The following COL25A1 variants were observed in gnomAD, a reference collection of about 807,000 sequenced individuals.
COL25A1 encodes collagen alpha-1(XXV) chain.
COL25A1 carries 103 observed loss-of-function variants against 128.4 expected under a neutral mutation model. The observed-to-expected ratio is 0.80, with a 90% CI of 0.68 to 0.94. The LOEUF is 0.94. Among genes scored for constraint, COL25A1 ranks in the 40% least tolerant of loss-of-function variants. The probability of loss-of-function intolerance (pLI) is 0.00; values close to 1 mark genes in which losing one functional copy is unlikely to be tolerated. For missense variants in COL25A1, 745 were observed against 840.0 expected, an observed-to-expected ratio of 0.89 and a Z score of 1.40; for synonymous variants, 279 against 277.2, an observed-to-expected ratio of 1.01 and a Z score of -0.06.
chr4:108,898,025 T>G (rs1742351261), intron 15 of COL25A1, among the ~76,000 whole-genome samples: 1 of 152,194 alleles, frequency 6.6e-6, no homozygotes, highest in African/African-American at 2.4e-5. Context: ...TTAATTACCA[T>G]GAACTGATTG....
intron 3 of COL25A1, among the ~76,000 whole-genome samples, chr4:109,279,407 C>T (rs1398107214): frequency 6.6e-6 from 1 of 152,072 alleles, no homozygotes; most frequent in African/African-American, 2.4e-5. Context: ...AAGACTCCAT[C>T]TCTTCAAAAA....
At chr4:109,236,774 A>C (rs1578513093) in intron 3 of COL25A1, among the ~76,000 whole-genome samples, 1 of 152,054 alleles carries the variant, frequency 6.6e-6, no homozygotes, top group South Asian at 2.1e-4. Flanking sequence ...AATGACTTAC[A>C]TTATTTAAAT....
At chr4:108,889,647 T>C in intron 17 of COL25A1, 54 bp downstream of exon 17, 3 of 1,530,100 alleles carry the variant, frequency 2.0e-6, no homozygotes, top group Non-Finnish European at 2.7e-6. Context: ...TAGAGGCCTA[T>C]AAAAATCAGA....
chr4:109,154,664 A>G (rs955744249), intron 3 of COL25A1, among the ~76,000 whole-genome samples: 1 of 152,240 alleles, frequency 6.6e-6, no homozygotes, highest in African/African-American at 2.4e-5. Context: ...GTGAGTCAGA[A>G]AACATTCACA....
intron 8 of COL25A1, among the ~76,000 whole-genome samples, chr4:108,946,134 C>A (rs929990119): frequency 2.6e-5 from 4 of 152,140 alleles, no homozygotes; most frequent in Non-Finnish European, 5.9e-5. Context: ...AAGTAGGCAA[C>A]CATCTCACAA....
intron 3 of COL25A1, among the ~76,000 whole-genome samples, chr4:109,150,853 A>C (rs1404730662): frequency 1.3e-5 from 2 of 152,146 alleles, no homozygotes; most frequent in Non-Finnish European, 2.9e-5. Flanking sequence ...TCCTTCATTT[A>C]AACTTTTAAA....
chr4:108,907,498 T>C (rs1405614071), intron 13 of COL25A1, among the ~76,000 whole-genome samples: 2 of 152,204 alleles, frequency 1.3e-5, no homozygotes, highest in Non-Finnish European at 2.9e-5. Flanking sequence ...TACACAAGTG[T>C]CATCATTTAC....
chr4:109,258,978 T>C (rs1193633591), intron 3 of COL25A1, among the ~76,000 whole-genome samples: 1 of 152,234 alleles, frequency 6.6e-6, no homozygotes, highest in African/African-American at 2.4e-5. Flanking sequence ...GTGGCACTTA[T>C]TAATTTATTG....
chr4:109,237,229 AT>A (rs533644794), intron 3 of COL25A1, among the ~76,000 whole-genome samples: 9 of 152,012 alleles, frequency 5.9e-5, no homozygotes, highest in Non-Finnish European at 1.2e-4. Flanking sequence ...ACAAAAAAAC[AT>A]TTCTAATGTG....
intron 32 of COL25A1, among the ~76,000 whole-genome samples, chr4:108,829,889 A>T (rs750904317): frequency 1.3e-5 from 2 of 152,194 alleles, no homozygotes; most frequent in African/African-American, 2.4e-5. Flanking sequence ...AGGAAGAGAC[A>T]TGAGGTAGTC....
chr4:108,834,407 G>C, intron 31 of COL25A1: 1 of 1,550,486 alleles, frequency 6.4e-7, no homozygotes, highest in Non-Finnish European at 8.7e-7. Context: ...GATTTGGTTG[G>C]TAGCAGGGTT....
chr4:108,894,979 G>T (rs901413931), intron 16 of COL25A1, among the ~76,000 whole-genome samples: 8 of 152,148 alleles, frequency 5.3e-5, no homozygotes, highest in Admixed American at 2.0e-4. Flanking sequence ...GGTGCCATAG[G>T]CATCTTGTGA....
rs543282815 is a variant in COL25A1, at chr4:108,984,254, T to C, written c.439-9695A>G. Among the ~76,000 whole-genome samples, 47 of 152,300 alleles carry C rather than the reference T, an allele frequency of 3.1e-4. No individual in the cohort carries two copies. In the South Asian group the frequency reaches 8.9e-3, roughly 29 times the overall value. ...GAGGTAGATACAGAGTGCCAATTGG[T>C]GTATTTACAATCCTTGAGCTAGACA... On this transcript the variant is annotated intron_variant, in intron 6 of 37. Transcript: ENST00000399132.
At chr4:109,143,629 G>C (rs1770650183) in intron 3 of COL25A1, among the ~76,000 whole-genome samples, 1 of 151,790 alleles carries the variant, frequency 6.6e-6, no homozygotes, top group Non-Finnish European at 1.5e-5. Flanking sequence ...CTCTAATCTT[G>C]TCTTCACACT....
intron 16 of COL25A1, among the ~76,000 whole-genome samples, chr4:108,894,169 A>C (rs543313021): frequency 6.6e-6 from 1 of 152,330 alleles, no homozygotes; most frequent in East Asian, 1.9e-4. Context: ...CTTTGAGATG[A>C]ACTTGGTCTT....
intron 24 of COL25A1, among the ~76,000 whole-genome samples, chr4:108,856,163 T>C (rs918597290): frequency 6.6e-6 from 1 of 152,190 alleles, no homozygotes; most frequent in Admixed American, 6.6e-5. Flanking sequence ...TGATGAAAGC[T>C]TAAACTCGCC....
chr4:109,074,032 G>A (rs575212142), intron 3 of COL25A1, among the ~76,000 whole-genome samples: 1 of 152,306 alleles, frequency 6.6e-6, no homozygotes, highest in African/African-American at 2.4e-5. Flanking sequence ...TTTTTGACAA[G>A]GGTGGGTGGC....
chr4:108,833,274 T>C (rs950340472), intron 31 of COL25A1, among the ~76,000 whole-genome samples: 3 of 152,198 alleles, frequency 2.0e-5, no homozygotes, highest in Admixed American at 1.3e-4. Flanking sequence ...GAATCATTCT[T>C]ACAGATTCTG....
chr4:109,092,043 T>G (rs1358918018), intron 3 of COL25A1, among the ~76,000 whole-genome samples: 3 of 152,168 alleles, frequency 2.0e-5, no homozygotes, highest in African/African-American at 7.2e-5. Flanking sequence ...CTTTTCACCT[T>G]GAGGTGACTG....
Sources: allele counts gnomAD v4.1 joint callset (sites outside exome capture counted in the v4.1 genomes callset), GRCh38; gene constraint gnomAD v4.1.1; transcripts MANE v1.5; gene names NCBI Gene and HGNC (gene_info 2026-07-23, HGNC 2026-07-21).